Variants in NASP observed in about 807,000 individuals in gnomAD.
NASP encodes the protein NASP histone chaperone.
In NASP, 24 loss-of-function variants were observed where a neutral mutation model predicts 89.5. The ratio of observed to expected loss-of-function variants is 0.27; its 90% CI spans 0.19 to 0.38. NASP has a LOEUF of 0.38. Among genes scored for constraint, NASP ranks in the 10% least tolerant of loss-of-function variants. The pLI is 1.00. For missense variants in NASP, 848 were observed against 921.4 expected (o/e 0.92, Z 1.03); for synonymous variants, 306 against 324.7 (o/e 0.94, Z 0.62).
chr1:45,600,601 C>T, intron 2 of NASP: 1 of 538,778 alleles, frequency 1.9e-6, no homozygotes, highest in African/African-American at 2.1e-5. Context: ...ATTTGTTTAT[C>T]CATTTGGGTT....
chr1:45,606,141 A>G (rs1016759830), intron 4 of NASP, among the ~76,000 whole-genome samples: 6 of 152,184 alleles, frequency 3.9e-5, no homozygotes, highest in East Asian at 3.8e-4. Context: ...AAATCTTGCT[A>G]GAGTATTTTT....
At position 45,618,104 on chromosome 1, in the gene NASP, T is replaced by A. The variant is rs1195866957; in HGVS notation, c.2330T>A (p.Val777Glu). ...AGCCGGGCAGCAGTGGAGGGGACAG[T>A]GGAGGCTGGAGCTACAGTTGAAAGC... The part of the protein sequence containing the change: ...AESRAAVEGT[V>E]EAGATVESTA... The change falls in exon 15 of 15, where the codon GTG (valine) becomes GAG (glutamate). Residue 777 changes from valine to glutamate, a missense_variant. Transcript: ENST00000350030. 1 of 1,602,310 alleles carries A rather than the reference T, an allele frequency of 6.2e-7. No homozygotes were observed. The highest frequency in any genetic ancestry group is 8.5e-7 in the Non-Finnish European group (1 of 1,174,290).
intron 1 of NASP, among the ~76,000 whole-genome samples, chr1:45,585,606 C>T (rs1208103412): frequency 6.6e-6 from 1 of 152,116 alleles, no homozygotes; most frequent in African/African-American, 2.4e-5. Context: ...AAAAGAGCTG[C>T]TTTTTATAAT....
chr1:45,615,537 A>G, intron 11 of NASP, 66 bp downstream of exon 11: 5 of 1,486,768 alleles, frequency 3.4e-6, no homozygotes, highest in Non-Finnish European at 4.6e-6. Flanking sequence ...TCTATTTGCC[A>G]GGAACTTTTC....
chr1:45,593,187 A>G (rs898755010), intron 2 of NASP, among the ~76,000 whole-genome samples: 1 of 152,158 alleles, frequency 6.6e-6, no homozygotes, highest in Non-Finnish European at 1.5e-5. Context: ...CCAAAGATTC[A>G]TTTGATGAAT....
chr1:45,604,940 A>G lies in NASP; in HGVS notation c.223A>G (p.Lys75Glu). The G allele has an allele frequency of 1.2e-6, 2 of 1,607,210 alleles. No homozygotes were observed. The highest frequency in any genetic ancestry group is 1.7e-6 in the Non-Finnish European group (2 of 1,174,148). The change falls in exon 4 of 15, where the codon AAG becomes GAG. Residue 75 changes from lysine (K) to glutamate (E), a missense_variant. This residue lies in a region of NASP where 17 missense variants were observed against 38.6 expected (regional missense o/e 0.44). Coordinates refer to ENST00000350030, the MANE Select transcript of NASP (RefSeq NM_002482.4). ...AFQEAASLLG[K>E]KYGETANECG... ...AGATGTTTATTCTCTTTGTAGAGGT[A>G]AGAAGTATGGAGAGACAGCTAATGA...
Position 45,616,373 on chromosome 1 carries a change from G to C in NASP, c.2059G>C (p.Gly687Arg). 6.2e-7 allele frequency: 1 copy of C among 1,614,168 alleles called. No individual in the cohort carries two copies. The highest frequency in any genetic ancestry group is 2.2e-5 in the East Asian group (1 of 44,878). Residue 687 changes from glycine to arginine, a missense_variant, in exon 12 of 15, where the codon GGA becomes CGA. This residue lies in a region of NASP where 218 missense variants were observed against 219.6 expected (regional missense o/e 0.99). Transcript: ENST00000350030. Reference sequence around the variant, plus strand: ...TACTTCAGGTTTCACTCCTGGTGGAGGAGGCTCTTCAGTCTCCATGGTGCG... The same window carrying C: ...TACTTCAGGTTTCACTCCTGGTGGACGAGGCTCTTCAGTCTCCATGGTGCG... ...SSTSGFTPGG[G>R]GSSVSMIASR...
At chr1:45,594,648 A>G (rs1392606838) in intron 2 of NASP, 1 of 445,532 alleles carries the variant, frequency 2.2e-6, no homozygotes, top group Admixed American at 2.4e-5. Context: ...CTAGGATCAC[A>G]GATGTGTGCC....
At chr1:45,615,553 G>A (rs1644091480) in intron 11 of NASP, 82 bp downstream of exon 11, 3 of 1,387,108 alleles carry the variant, frequency 2.2e-6, no homozygotes, top group Non-Finnish European at 3.0e-6. Flanking sequence ...TTTTCATCAT[G>A]ACTTGGTTTC....
At chr1:45,594,198 T>C (rs1643630419) in intron 2 of NASP, among the ~76,000 whole-genome samples, 1 of 151,644 alleles carries the variant, frequency 6.6e-6, no homozygotes, top group African/African-American at 2.4e-5. Flanking sequence ...TCGTGGTGGC[T>C]AGCGCCTGTA....
Position 45,617,573 on chromosome 1 carries a change from G to C in NASP, c.2268G>C (p.Ser756=), listed in dbSNP as rs750851278. The C allele has an allele frequency of 1.3e-6, 2 of 1,594,140 alleles. No homozygotes were observed. The highest frequency in any genetic ancestry group is 4.5e-5 in the East Asian group (2 of 44,758). Residue 756 remains serine (S), a synonymous_variant, in exon 14 of 15, where the codon TCG becomes TCC. Transcript: ENST00000350030. ...CTGTCCCCAGTGGAAATGAAGTTTC[G>C]GAAAACATGGAGGAGGAGGTGGGCA... ...GDAVPSGNEV[S]ENMEEEAENQ... is the part of the protein sequence containing the mutation.
chr1:45,601,773 T>TTTTTTA (rs1643850995), intron 2 of NASP, among the ~76,000 whole-genome samples: 1 of 141,884 alleles, frequency 7.0e-6, no homozygotes, highest in Non-Finnish European at 1.5e-5. Context: ...TTTTTTTTTT[T>TTTTTTA]GAGGTGGAGT....
intron 1 of NASP, among the ~76,000 whole-genome samples, chr1:45,585,885 C>T (rs112702429): frequency 0.015 from 2,332 of 152,258 alleles, 67 homozygotes; most frequent in African/African-American, 0.054. Flanking sequence ...GCAGTCCTCC[C>T]GCCTTGGCCT....
At chr1:45,607,190 A>G (rs1353335258) in intron 5 of NASP, 131 bp from the exon 6 acceptor site, 6 of 939,794 alleles carry the variant, frequency 6.4e-6, no homozygotes, top group Non-Finnish European at 9.5e-6. Flanking sequence ...GGGGCAGATA[A>G]TTTTTAGGCC....
chr1:45,615,788 G>C (rs1466056604), intron 11 of NASP: 1 of 244,314 alleles, frequency 4.1e-6, no homozygotes, highest in African/African-American at 2.3e-5. Context: ...AATGCTTTTG[G>C]ATTTTGGAAT....
At position 45,618,572 on chromosome 1, in the gene NASP, TGGC is replaced by T. The variant is rs1226072139; in HGVS notation, c.*432_*434del. 1 of 166,068 alleles carries T rather than the reference TGGC, an allele frequency of 6.0e-6. No individual in the cohort carries two copies. The highest frequency in any genetic ancestry group is 2.4e-5 in the African/African-American group (1 of 41,846). The allele number at this position is 166,068 out of a possible 1,614,324, so 10.3% of individuals were successfully genotyped here. On this transcript the variant is annotated 3_prime_UTR_variant, in exon 15 of 15. Coordinates refer to ENST00000350030, the MANE Select transcript of NASP (RefSeq NM_002482.4). ...AGTGCTGAAAATGGATGATGGACTTTGGCTGTGAGCCAGGCCTAGGATGGTTCT... is the reference window on the plus strand; with the variant it reads ...AGTGCTGAAAATGGATGATGGACTTTTGTGAGCCAGGCCTAGGATGGTTCT...
intron 2 of NASP, among the ~76,000 whole-genome samples, chr1:45,596,035 A>C (rs970684908): frequency 2.6e-5 from 4 of 152,248 alleles, no homozygotes; most frequent in Non-Finnish European, 5.9e-5. Context: ...CTTGATACTT[A>C]GCAGATGTTT....
intron 13 of NASP, 74 bp from the exon 14 acceptor site, chr1:45,617,389 T>TAAGG: frequency 6.6e-7 from 1 of 1,526,166 alleles, no homozygotes; most frequent in Non-Finnish European, 8.9e-7. Context: ...CCACAAGGGT[T>TAAGG]AAGGAAATGT....
chr1:45,613,262 C>T lies in NASP; in HGVS notation c.1506+14C>T. ...CTTGAAAACAAGGTATGTTGTTAGC[C>T]ACTCAGTACTGTTGTCAGCCTTTTT... On this transcript the variant is annotated intron_variant, in intron 7 of 14. Coordinates refer to ENST00000350030, the MANE Select transcript of NASP (RefSeq NM_002482.4). The T allele has an allele frequency of 6.2e-7, 1 of 1,603,804 alleles. No individual in the cohort carries two copies. The highest frequency in any genetic ancestry group is 8.5e-7 in the Non-Finnish European group (1 of 1,175,842).
Sources: allele counts gnomAD v4.1 joint callset (sites outside exome capture counted in the v4.1 genomes callset), GRCh38; gene constraint gnomAD v4.1.1; regional missense constraint gnomAD v4.1.1; transcripts MANE v1.5; gene names NCBI Gene and HGNC (gene_info 2026-07-23, HGNC 2026-07-21).